The following SNORC variants were observed in gnomAD, a reference collection of about 807,000 sequenced individuals.
The protein encoded by SNORC is protein SNORC.
A neutral mutation model predicts 9.7 loss-of-function variants in SNORC; 11 were observed. That is an observed-to-expected ratio of 1.14 (90% confidence interval 0.72 to 1.88). SNORC has a LOEUF of 1.88. Ranked by LOEUF, SNORC falls within the 40% of genes most tolerant of loss-of-function variation. The pLI is 0.00. For missense variants in SNORC, 197 were observed against 173.1 expected (o/e 1.14, Z -0.77); for synonymous variants, 108 against 88.7 (o/e 1.22, Z -1.22).
At chr2:232,873,837 AG>A (rs1691118325) in intron 1 of SNORC, among the ~76,000 whole-genome samples, 1 of 152,140 alleles carries the variant, frequency 6.6e-6, no homozygotes, top group Non-Finnish European at 1.5e-5. Context: ...CCCTCCTCTC[AG>A]GGTGGTCTTC....
chr2:232,876,295 T>A lies in SNORC; in HGVS notation c.305T>A (p.Leu102Gln). The A allele has an allele frequency of 6.5e-7, 1 of 1,535,770 alleles. No individual in the cohort carries two copies. ...GCGGCCATCGTGATCGCCGCCCTGC[T>A]GGCCACCTGCGTGGTGCTGGCGCTC... Residue 102 changes from leucine to glutamine, a missense_variant, in exon 3 of 3, where the codon CTG becomes CAG. Physicochemically the swap from Leu to Gln is moderately radical, Grantham distance 113 (BLOSUM62 -2). Coordinates refer to ENST00000331342, the Ensembl canonical transcript of SNORC. The surrounding 1 kb of genome is among the most constrained non-coding windows in gnomAD (Gnocchi z 6.8).
chr2:232,873,530 C>T (rs1038597515), intron 1 of SNORC, among the ~76,000 whole-genome samples: 9 of 152,216 alleles, frequency 5.9e-5, no homozygotes, highest in Admixed American at 3.9e-4. Context: ...AGATGCCACC[C>T]GGCTCAGCTG....
downstream of SNORC, chr2:232,877,032 G>C (rs1691284709): frequency 2.0e-6 from 2 of 985,602 alleles, no homozygotes; most frequent in Non-Finnish European, 2.4e-6. Flanking sequence ...GAGGCCGCGT[G>C]GTTTTGGGGG....
chr2:232,868,511 C>T (rs778750518), upstream of SNORC, among the ~76,000 whole-genome samples: 14 of 152,318 alleles, frequency 9.2e-5, no homozygotes, highest in Admixed American at 4.6e-4. Flanking sequence ...GTGATCCCAT[C>T]ATCAACTCTG....
At chr2:232,876,448 G>T (rs879933705), downstream of SNORC, 21 of 1,413,634 alleles carry the variant, frequency 1.5e-5, no homozygotes, top group African/African-American at 2.0e-4. This position sits in a 1 kb window ranked among gnomAD's most constrained non-coding sequence, Gnocchi z 6.8. Context: ...GCGCATGCAG[G>T]TGTGCCAGAG....
At chr2:232,867,692 A>G (rs1421724544), upstream of SNORC, among the ~76,000 whole-genome samples, 3 of 152,210 alleles carry the variant, frequency 2.0e-5, no homozygotes, top group African/African-American at 7.2e-5. Flanking sequence ...TTCTCAGCCC[A>G]CTGCTGCCCC....
chr2:232,871,046 G>T (rs1691008162), intron 1 of SNORC, among the ~76,000 whole-genome samples: 1 of 152,220 alleles, frequency 6.6e-6, no homozygotes, highest in Non-Finnish European at 1.5e-5. Context: ...GGCCCAGGCT[G>T]GCTTCAGAGC....
chr2:232,866,486 C>T (rs950383743), upstream of SNORC, among the ~76,000 whole-genome samples: 2 of 152,164 alleles, frequency 1.3e-5, no homozygotes, highest in African/African-American at 4.8e-5. Flanking sequence ...TATTGCTTGG[C>T]ATGTTTTGTG....
At chr2:232,877,055 T>C, downstream of SNORC, 3 of 985,688 alleles carry the variant, frequency 3.0e-6, no homozygotes, top group Non-Finnish European at 3.6e-6. Context: ...GTCTTGACTC[T>C]GAGTCCTGCA....
intron 1 of SNORC, among the ~76,000 whole-genome samples, chr2:232,874,105 A>T (rs1439639532): frequency 1.3e-5 from 2 of 152,226 alleles, no homozygotes; most frequent in Non-Finnish European, 2.9e-5. Context: ...GAAGCCAGGG[A>T]CCTGCTAACA....
At chr2:232,872,683 G>A (rs1391735415) in intron 1 of SNORC, among the ~76,000 whole-genome samples, 2 of 152,156 alleles carry the variant, frequency 1.3e-5, no homozygotes, top group African/African-American at 4.8e-5. Flanking sequence ...CACGCCGTGA[G>A]TTCCGTCCTC....
downstream of SNORC, chr2:232,876,530 G>C (rs1318277441): frequency 8.2e-7 from 1 of 1,212,150 alleles, no homozygotes; most frequent in Non-Finnish European, 1.0e-6. The surrounding 1 kb of genome is among the most constrained non-coding windows in gnomAD (Gnocchi z 6.8). Context: ...GTGCACGCGC[G>C]CGGGTCCGGA....
At chr2:232,871,049 T>C (rs1224890386) in intron 1 of SNORC, among the ~76,000 whole-genome samples, 1 of 152,132 alleles carries the variant, frequency 6.6e-6, no homozygotes, top group Non-Finnish European at 1.5e-5. Flanking sequence ...CCAGGCTGGC[T>C]TCAGAGCCTG....
Position 232,876,341 on chromosome 2 carries a change from G to A in SNORC, c.351G>A (p.Lys117=). The change falls in exon 3 of 3, where the codon AAG becomes AAA. Residue 117 remains lysine (K), a synonymous_variant. Coordinates refer to ENST00000331342, the Ensembl canonical transcript of SNORC. This position sits in a 1 kb window ranked among gnomAD's most constrained non-coding sequence, Gnocchi z 6.8. The stretch of plus-strand genomic sequence containing the variant: ...CGCTCGTGGTCGTCGCGCTGAGAAA[G>A]TTTTCTGCCTCCTGAAGCGAATAAA... The A allele has an allele frequency of 6.5e-7, 1 of 1,541,334 alleles. No homozygotes were observed. Among genetic ancestry groups the A allele is most frequent in the Non-Finnish European group, 8.7e-7 (1 of 1,147,216 alleles).
chr2:232,876,103 G>A lies in SNORC; in HGVS notation c.237G>A (p.Glu79=), dbSNP rs1437265474. Residue 79 remains glutamate (E), a synonymous_variant, in exon 2 of 3, where the codon GAG becomes GAA. Coordinates refer to ENST00000331342, the Ensembl canonical transcript of SNORC. This position sits in a 1 kb window ranked among gnomAD's most constrained non-coding sequence, Gnocchi z 6.8. The stretch of plus-strand genomic sequence containing the variant: ...GACCCGAGGACAGCACCGCGCAGGA[G>A]CGGCTGGACCAGGGCGGCGGTACGG... The A allele has an allele frequency of 6.6e-7, 1 of 1,512,068 alleles. No individual in the cohort carries two copies. Among genetic ancestry groups the A allele is most frequent in the Non-Finnish European group, 8.8e-7 (1 of 1,137,098 alleles). 93.7% of individuals were successfully genotyped at this position (1,512,068 alleles called of 1,614,324 possible).
chr2:232,869,893 A>G, upstream of SNORC: 1 of 267,604 alleles, frequency 3.7e-6, no homozygotes, highest in Non-Finnish European at 7.2e-6. Context: ...GGCCACAGGC[A>G]CTAACATGCA....
At chr2:232,870,325 C>T in exon 1 of SNORC, 1 of 1,553,618 alleles carries the variant, frequency 6.4e-7, no homozygotes, top group Non-Finnish European at 8.7e-7. Flanking sequence ...CCGCCGCTGC[C>T]CTCACTCCCG....
intron 1 of SNORC, among the ~76,000 whole-genome samples, chr2:232,873,858 G>A (rs569549286): frequency 1.4e-4 from 22 of 152,360 alleles, no homozygotes; most frequent in African/African-American, 4.8e-4. Context: ...CAAGGTTTGC[G>A]GGAGGCTAGA....
chr2:232,875,191 T>C (rs1691176872), intron 1 of SNORC, among the ~76,000 whole-genome samples: 1 of 152,132 alleles, frequency 6.6e-6, no homozygotes, highest in African/African-American at 2.4e-5. Context: ...ATACAAAAAT[T>C]AGCTGGGTGT....
Sources: allele counts gnomAD v4.1 joint callset (sites outside exome capture counted in the v4.1 genomes callset), GRCh38; gene constraint gnomAD v4.1.1; non-coding constraint Gnocchi (gnomAD v3.1); transcripts MANE v1.5; gene names NCBI Gene and HGNC (gene_info 2026-07-23, HGNC 2026-07-21).